PCDHA1: variants seen among roughly 807,000 people sequenced by gnomAD.
The protein encoded by PCDHA1 is protocadherin alpha 1, also known as protocadherin alpha-1.
A neutral mutation model predicts 61.3 loss-of-function variants in PCDHA1; 42 were observed. The observed-to-expected ratio is 0.69, with a 90% CI of 0.54 to 0.89. The LOEUF (loss-of-function observed/expected upper bound fraction) is 0.89. Among genes scored for constraint, PCDHA1 ranks in the 40% least tolerant of loss-of-function variants. The probability of loss-of-function intolerance (pLI) is 0.00; values close to 1 mark genes in which losing one functional copy is unlikely to be tolerated. For synonymous variants in PCDHA1, 610 were observed against 553.8 expected (o/e 1.10, Z -1.43); for missense variants, 1,256 against 1,235.3 (o/e 1.02, Z -0.25).
At chr5:140,821,634 G>A (rs2150109969) in intron 1 of PCDHA1, 20,472 of 1,004,422 alleles carry the variant, frequency 0.02, 283 homozygotes, top group Non-Finnish European at 0.025. Context: ...AGACAGAAAG[G>A]AAAAGAACCT....
rs2096251750 is a variant in PCDHA1 at position 140,968,509 on chromosome 5, C to T, written c.2395-10440C>T. 3 of 1,614,162 alleles carry T rather than the reference C, an allele frequency of 1.9e-6. No individual in the cohort carries two copies. In the South Asian group the frequency reaches 3.3e-5, roughly 18 times the overall value. On this transcript the variant is annotated intron_variant, in intron 1 of 3. Coordinates refer to ENST00000504120, the MANE Select transcript of PCDHA1 (RefSeq NM_018900.4). Reference sequence around the variant, plus strand: ...ATGACCATGCCCCTCACATTCTGTACCCTACCTCAACCAACTCGTCAGCAG... The same window carrying T: ...ATGACCATGCCCCTCACATTCTGTATCCTACCTCAACCAACTCGTCAGCAG...
At chr5:140,985,682 C>T (rs1261119986) in intron 3 of PCDHA1, among the ~76,000 whole-genome samples, 3 of 151,710 alleles carry the variant, frequency 2.0e-5, no homozygotes, top group African/African-American at 4.8e-5. Flanking sequence ...GCCTGCCTTA[C>T]GCTAATCCTC....
intron 1 of PCDHA1, chr5:140,802,241 T>C (rs1554121966): frequency 6.2e-6 from 10 of 1,614,244 alleles, no homozygotes; most frequent in Non-Finnish European, 8.5e-6. Flanking sequence ...ATAATGTACC[T>C]GAGTTAGTTA....
intron 3 of PCDHA1, among the ~76,000 whole-genome samples, chr5:141,005,129 C>T (rs1554259896): frequency 6.6e-6 from 1 of 152,180 alleles, no homozygotes; most frequent in African/African-American, 2.4e-5. Context: ...CCAAAAGTGC[C>T]TCATTGGAGA....
intron 1 of PCDHA1, chr5:140,830,026 C>T: frequency 1.2e-6 from 2 of 1,613,904 alleles, no homozygotes; most frequent in Non-Finnish European, 1.7e-6. Context: ...CTCCGCGCCA[C>T]CGGCTGCTGG....
In PCDHA1 at chr5:140,870,881, T is replaced by C. The variant is rs782030647; in HGVS notation, c.2394+82197T>C. 3.7e-6 allele frequency: 6 copies of C among 1,613,870 alleles called. No individual in the cohort carries two copies. The South Asian group carries it at 5.5e-5, about 15-fold the overall frequency. On this transcript the variant is annotated intron_variant, in intron 1 of 3. Transcript: ENST00000504120. ...GGTGCGGGCCACGTGGTGGCGAAGG[T>C]GCGCGCAGTGGATGCGGACTCAGGC...
intron 1 of PCDHA1, among the ~76,000 whole-genome samples, chr5:140,789,056 A>C (rs1221011381): frequency 6.6e-6 from 1 of 152,274 alleles, no homozygotes; most frequent in South Asian, 2.1e-4. Flanking sequence ...GCCCCGGACA[A>C]ACAATTCTTG....
intron 1 of PCDHA1, chr5:140,861,770 C>T (rs2047074115): frequency 6.2e-6 from 1 of 161,486 alleles, no homozygotes; most frequent in African/African-American, 2.4e-5. Flanking sequence ...CCTGGAAATA[C>T]CAAGAGCAGG....
rs139246893 is a variant in PCDHA1 at position 140,808,648 on chromosome 5, C to T, written c.2394+19964C>T. On this transcript the variant is annotated intron_variant, in intron 1 of 3. Coordinates refer to ENST00000504120, the MANE Select transcript of PCDHA1 (RefSeq NM_018900.4). Reference sequence around the variant, plus strand: ...CGTGGGACGCGGACGCGCAGGAGAACGCGCTGGTGTCCTACTCGCTGGTAG... The same window carrying T: ...CGTGGGACGCGGACGCGCAGGAGAATGCGCTGGTGTCCTACTCGCTGGTAG... 1.2e-5 allele frequency: 19 copies of T among 1,613,212 alleles called. No individual in the cohort carries two copies. In the African/African-American group the frequency reaches 2.5e-4, roughly 22 times the overall value.
In PCDHA1 at chr5:141,010,365, A is replaced by G; in HGVS notation, c.*428A>G. 6.8e-7 allele frequency: 1 copy of G among 1,480,028 alleles called. No individual in the cohort carries two copies. The highest frequency in any genetic ancestry group is 1.3e-5 in the South Asian group (1 of 75,134). The allele number at this position is 1,480,028 out of a possible 1,614,324, so 91.7% of individuals were successfully genotyped here. On this transcript the variant is annotated 3_prime_UTR_variant, in exon 4 of 4. Coordinates refer to ENST00000504120, the MANE Select transcript of PCDHA1 (RefSeq NM_018900.4). Reference sequence around the variant, plus strand: ...CTGGGTATGTGTGGCTACCGCGGGTATGCGAGTGCCAGATATTGGCTGAGA... The same window carrying G: ...CTGGGTATGTGTGGCTACCGCGGGTGTGCGAGTGCCAGATATTGGCTGAGA...
chr5:140,882,449 C>T (rs782741434), intron 1 of PCDHA1: 1 of 1,614,022 alleles, frequency 6.2e-7, no homozygotes, highest in Admixed American at 1.7e-5. Context: ...GGAGCTGGTG[C>T]CGCGCCTGTT....
chr5:140,874,745 A>G (rs2055087824), intron 1 of PCDHA1, among the ~76,000 whole-genome samples: 2 of 152,242 alleles, frequency 1.3e-5, no homozygotes, highest in African/African-American at 4.8e-5. Flanking sequence ...GCATCAAGGA[A>G]CCAAACAATA....
chr5:140,870,949 G>A (rs1554164920), intron 1 of PCDHA1: 2 of 1,613,686 alleles, frequency 1.2e-6, no homozygotes, highest in East Asian at 2.2e-5. Context: ...GGCGGCGGGC[G>A]GCTCGCGCAT....
At chr5:140,941,063 TG>T (rs1554213711) in intron 1 of PCDHA1, among the ~76,000 whole-genome samples, 2 of 152,194 alleles carry the variant, frequency 1.3e-5, no homozygotes, top group East Asian at 3.8e-4. Context: ...AGCAGTTTTC[TG>T]GGCTGGAGAG....
intron 1 of PCDHA1, chr5:140,868,490 A>G (rs1383994336): frequency 6.6e-6 from 1 of 152,330 alleles, no homozygotes; most frequent in African/African-American, 2.4e-5. Flanking sequence ...TTTTTCTTTG[A>G]GTTCCCTAGC....
At chr5:140,986,372 G>T (rs570215048) in intron 3 of PCDHA1, among the ~76,000 whole-genome samples, 10 of 152,248 alleles carry the variant, frequency 6.6e-5, no homozygotes, top group African/African-American at 1.2e-4. Flanking sequence ...ATGCGTTTTG[G>T]GGGGAGGGAC....
intron 1 of PCDHA1, chr5:140,867,342 T>C (rs1397691528): frequency 6.6e-6 from 1 of 152,154 alleles, no homozygotes; most frequent in Non-Finnish European, 1.5e-5. Flanking sequence ...GATTAGAGGC[T>C]ACTATGATTG....
At chr5:140,961,313 G>A (rs2095603813) in intron 1 of PCDHA1, among the ~76,000 whole-genome samples, 1 of 152,118 alleles carries the variant, frequency 6.6e-6, no homozygotes, top group Admixed American at 6.5e-5. Flanking sequence ...TGATTTACCA[G>A]GCTCTGTTTC....
rs781893809 is a variant in PCDHA1 at position 140,883,492 on chromosome 5, G to T, written c.2394+94808G>T. On this transcript the variant is annotated intron_variant, in intron 1 of 3. Transcript: ENST00000504120. ...CCTACAAGAACTACTACTCATTAGT[G>T]CTGGACAGCGCCCTGGACCGCGAGA... The T allele has an allele frequency of 4.3e-5, 69 of 1,614,058 alleles. 1 individual carries two copies. In the South Asian group the frequency reaches 7.5e-4, roughly 17 times the overall value.
Sources: gnomAD v4.1 joint callset for allele counts (sites outside exome capture counted in the v4.1 genomes callset) on GRCh38, gnomAD v4.1.1 for gene constraint, MANE v1.5 for transcripts, NCBI Gene and HGNC (gene_info 2026-07-23, HGNC 2026-07-21) for gene names.